RGS6: variants seen among roughly 807,000 people sequenced by gnomAD.
RGS6 encodes the protein regulator of G-protein signaling 6.
RGS6 carries 30 observed loss-of-function variants against 78.5 expected under a neutral mutation model. The observed-to-expected ratio is 0.38, with a 90% CI of 0.29 to 0.52. The LOEUF (loss-of-function observed/expected upper bound fraction) is 0.52. Ranked by LOEUF, RGS6 falls within the 20% of genes least tolerant of loss-of-function variation. RGS6 has a pLI of 0.85. For synonymous variants in RGS6, 206 were observed against 206.0 expected (o/e 1.00, Z 0.00); for missense variants, 495 against 609.7 (o/e 0.81, Z 1.98).
the RGS6 span, among the ~76,000 whole-genome samples, chr14:71,884,002 G>C: frequency 5.8e-4 from 88 of 152,280 alleles, no homozygotes; most frequent in Non-Finnish European, 8.8e-4. Flanking sequence ...TCTGCCTATG[G>C]AGTAGCCATT....
the RGS6 span, among the ~76,000 whole-genome samples, chr14:71,918,988 C>CT: frequency 0.49 from 73,741 of 149,446 alleles, 18,216 homozygotes; most frequent in Admixed American, 0.55. Context: ...AAAATTTTTC[C>CT]TTTTTTTTTT....
At chr14:72,526,307 A>G (rs978606106) in intron 15 of RGS6, among the ~76,000 whole-genome samples, 6 of 151,692 alleles carry the variant, frequency 4.0e-5, no homozygotes, top group Admixed American at 2.6e-4. Flanking sequence ...GGGTTTCACC[A>G]TATTAGCCAG....
At position 72,474,700 on chromosome 14, in the gene RGS6, G is replaced by A. The variant is rs374285095; in HGVS notation, c.693+1G>A. 1.2e-6 allele frequency: 2 copies of A among 1,613,328 alleles called. No individual in the cohort carries two copies. The highest frequency in any genetic ancestry group is 3.3e-5 in the Admixed American group (2 of 59,922). On this transcript the variant is annotated splice_donor_variant, in intron 10 of 17. Coordinates refer to ENST00000553525, the MANE Select transcript of RGS6 (RefSeq NM_001204424.2). LOFTEE classifies it high-confidence loss of function. Reference sequence around the variant, plus strand: ...GAAGAATCCACAAAAGGTTAAAAAGGTTCGCTAGTTTAGCTGAGTTAAAAA... The same window carrying A: ...GAAGAATCCACAAAAGGTTAAAAAGATTCGCTAGTTTAGCTGAGTTAAAAA...
intron 3 of RGS6, among the ~76,000 whole-genome samples, chr14:72,391,752 C>T (rs191447433): frequency 6.6e-6 from 1 of 152,288 alleles, no homozygotes; most frequent in Admixed American, 6.5e-5. Flanking sequence ...TCCCCTAGGC[C>T]TCCACCCCCT....
At chr14:71,869,422 G>C in the RGS6 span, among the ~76,000 whole-genome samples, 2 of 152,168 alleles carry the variant, frequency 1.3e-5, no homozygotes, top group African/African-American at 4.8e-5. Flanking sequence ...TTTCCCAGGT[G>C]GAGGGAGACC....
chr14:71,889,609 G>A, the RGS6 span, among the ~76,000 whole-genome samples: 1 of 152,140 alleles, frequency 6.6e-6, no homozygotes, highest in Non-Finnish European at 1.5e-5. Flanking sequence ...TTGAGTTGGG[G>A]GAGAGCTTGG....
chr14:72,396,004 T>C (rs989847537), intron 3 of RGS6, among the ~76,000 whole-genome samples: 5 of 152,110 alleles, frequency 3.3e-5, no homozygotes, highest in African/African-American at 1.2e-4. Context: ...CGTGAGCATG[T>C]GTCTTTATGG....
intron 2 of RGS6, among the ~76,000 whole-genome samples, chr14:72,300,206 G>T (rs558294676): frequency 2.7e-5 from 4 of 150,700 alleles, no homozygotes; most frequent in Non-Finnish European, 5.9e-5. Flanking sequence ...TGATACTATT[G>T]ATTGCTTAGA....
chr14:72,562,519 G>C lies in RGS6; in HGVS notation c.*52G>C. 6.2e-7 allele frequency: 1 copy of C among 1,605,518 alleles called. No homozygotes were observed. Among genetic ancestry groups the C allele is most frequent in the Non-Finnish European group, 8.5e-7 (1 of 1,179,308 alleles). On this transcript the variant is annotated 3_prime_UTR_variant, in exon 18 of 18. Transcript: ENST00000553525. ...GGGCCCGCGGACCCCACAGGCAGGCGGCGGCGCTCCACATCTGCGGACAGA... is the reference window on the plus strand; with the variant it reads ...GGGCCCGCGGACCCCACAGGCAGGCCGCGGCGCTCCACATCTGCGGACAGA...
chr14:71,963,920 T>A (rs1044292314), intron 1 of RGS6, among the ~76,000 whole-genome samples: 1 of 152,228 alleles, frequency 6.6e-6, no homozygotes, highest in African/African-American at 2.4e-5. Context: ...TGTTCAACTT[T>A]TTTGAGGAAA....
chr14:72,117,226 C>A (rs907681381), intron 2 of RGS6, among the ~76,000 whole-genome samples: 1 of 152,158 alleles, frequency 6.6e-6, no homozygotes, highest in Admixed American at 6.5e-5. Context: ...GTGTTTGTCC[C>A]CTCCAAATCT....
At chr14:72,177,834 C>T (rs983984853) in intron 2 of RGS6, among the ~76,000 whole-genome samples, 1 of 152,152 alleles carries the variant, frequency 6.6e-6, no homozygotes, top group Non-Finnish European at 1.5e-5. Context: ...GAGAAAAGCC[C>T]AGTTTACTTC....
chr14:72,132,151 G>C (rs1322093950), intron 2 of RGS6, among the ~76,000 whole-genome samples: 3 of 152,114 alleles, frequency 2.0e-5, no homozygotes, highest in African/African-American at 7.2e-5. Context: ...GAGGTGGGAG[G>C]CTGCTGGCTT....
chr14:72,184,681 A>G (rs964996643), intron 2 of RGS6, among the ~76,000 whole-genome samples: 14 of 152,190 alleles, frequency 9.2e-5, no homozygotes, highest in African/African-American at 3.4e-4. Context: ...TCTCTTATGG[A>G]ATAGATGCAA....
At chr14:72,373,916 T>C (rs2084043850) in intron 3 of RGS6, among the ~76,000 whole-genome samples, 1 of 152,048 alleles carries the variant, frequency 6.6e-6, no homozygotes, top group South Asian at 2.1e-4. Context: ...TTTATAACAA[T>C]CATTTGATAG....
intron 2 of RGS6, among the ~76,000 whole-genome samples, chr14:72,269,560 A>G (rs1283946812): frequency 1.5e-5 from 2 of 130,020 alleles, no homozygotes; most frequent in East Asian, 2.3e-4. Context: ...AGTGAAACCT[A>G]TCTTAAATTT....
intron 2 of RGS6, among the ~76,000 whole-genome samples, chr14:71,980,179 G>C (rs2094372503): frequency 9.2e-6 from 1 of 108,818 alleles, no homozygotes; most frequent in East Asian, 2.6e-4. Flanking sequence ...TGGGTTTCCT[G>C]AATACAGCAC....
rs1168439323 is a variant in RGS6 at position 72,454,511 on chromosome 14, T to C, written c.185-17T>C. The C allele has an allele frequency of 1.2e-6, 2 of 1,613,730 alleles. No homozygotes were observed. Among genetic ancestry groups the C allele is most frequent in the Non-Finnish European group, 8.5e-7 (1 of 1,179,756 alleles). On this transcript the variant is annotated splice_polypyrimidine_tract_variant and intron_variant, in intron 3 of 17. Transcript: ENST00000553525. ...ACACCCAGGAGGTCTTCAGCTGAAA[T>C]TGCTTTATCGTTGCAGGTACTGACA...
At chr14:72,588,747 GTTCT>G in the RGS6 span, among the ~76,000 whole-genome samples, 1 of 152,176 alleles carries the variant, frequency 6.6e-6, no homozygotes, top group African/African-American at 2.4e-5. Context: ...GCAAGTTTCT[GTTCT>G]TTCTTTCGGG....
Sources: gnomAD v4.1 joint callset for allele counts (sites outside exome capture counted in the v4.1 genomes callset) on GRCh38, gnomAD v4.1.1 for gene constraint, MANE v1.5 for transcripts, NCBI Gene and HGNC (gene_info 2026-07-23, HGNC 2026-07-21) for gene names.